Variants in ITPR1 observed in about 807,000 individuals in gnomAD.
ITPR1 encodes inositol 1,4,5-trisphosphate-gated calcium channel ITPR1.
ITPR1 carries 96 observed loss-of-function variants against 318.4 expected under a neutral mutation model. That is an observed-to-expected ratio of 0.30 (90% CI 0.26 to 0.36). The LOEUF is 0.36. Ranked by LOEUF, ITPR1 falls within the 10% of genes least tolerant of loss-of-function variation. The pLI is 1.00. For synonymous variants in ITPR1, 1,312 were observed against 1,289.9 expected (o/e 1.02, Z -0.37); for missense variants, 2,440 against 3,460.2 (o/e 0.71, Z 7.40).
At position 4,833,378 on chromosome 3, in the gene ITPR1, T is replaced by G. The variant is rs549198369; in HGVS notation, c.8029-3396T>G. Among the ~76,000 whole-genome samples the G allele has an allele frequency of 2.0e-5, 3 of 152,352 alleles. No homozygotes were observed. The South Asian group carries it at 6.2e-4, about 32-fold the overall frequency. On this transcript the variant is annotated intron_variant, in intron 60 of 61. Transcript: ENST00000649015. ...GAGTCTTTCGAAGGCCTCATTAATG[T>G]GGACTCTGTTTGGAAATGTGTGTTT... is the stretch of plus-strand genomic sequence containing the variant.
intron 4 of ITPR1, among the ~76,000 whole-genome samples, chr3:4,549,800 C>T (rs1316730379): frequency 4.6e-5 from 7 of 152,156 alleles, no homozygotes; most frequent in African/African-American, 1.7e-4. Context: ...GTCTCTTTCT[C>T]TTGGGCCATT....
chr3:4,819,687 C>A (rs566183342), intron 60 of ITPR1, among the ~76,000 whole-genome samples: 1 of 152,174 alleles, frequency 6.6e-6, no homozygotes, highest in Admixed American at 6.5e-5. Context: ...CATGGGGAAC[C>A]CGGAGGAAGG....
At chr3:4,623,824 A>T (rs1461842762) in intron 4 of ITPR1, among the ~76,000 whole-genome samples, 1 of 152,226 alleles carries the variant, frequency 6.6e-6, no homozygotes, top group African/African-American at 2.4e-5. Flanking sequence ...CTAGTATGTT[A>T]GCATCTCTTA....
chr3:4,831,058 C>A (rs766715409), intron 60 of ITPR1: 1 of 456,000 alleles, frequency 2.2e-6, no homozygotes, highest in Non-Finnish European at 4.4e-6. Flanking sequence ...CAGAATGATT[C>A]GCATTTGCAT....
At chr3:4,542,043 C>T (rs929064729) in intron 4 of ITPR1, among the ~76,000 whole-genome samples, 1 of 152,116 alleles carries the variant, frequency 6.6e-6, no homozygotes, top group Non-Finnish European at 1.5e-5. Context: ...GCTCTGTATT[C>T]ATTGAGAGTT....
intron 44 of ITPR1, among the ~76,000 whole-genome samples, chr3:4,763,290 A>C (rs1197891396): frequency 1.3e-5 from 2 of 152,170 alleles, no homozygotes; most frequent in Non-Finnish European, 2.9e-5. Context: ...TGACAGGTGC[A>C]GCAAACCACC....
intron 4 of ITPR1, among the ~76,000 whole-genome samples, chr3:4,551,457 C>A (rs761114724): frequency 6.6e-6 from 1 of 152,176 alleles, no homozygotes; most frequent in Admixed American, 6.5e-5. Flanking sequence ...GAGAACAGAT[C>A]TTTCTAATCT....
chr3:4,726,871 A>G (rs761692489), intron 41 of ITPR1, among the ~76,000 whole-genome samples: 7 of 152,188 alleles, frequency 4.6e-5, no homozygotes, highest in South Asian at 2.1e-4. Flanking sequence ...GCAATAAATT[A>G]TGTTGGCCAA....
Position 4,733,159 on chromosome 3 carries a change from C to T in ITPR1, c.5292C>T (p.Ser1764=), listed in dbSNP as rs1255745107. 2.5e-6 allele frequency: 4 copies of T among 1,613,990 alleles called. No individual in the cohort carries two copies. The highest frequency in any genetic ancestry group is 4.5e-5 in the East Asian group (2 of 44,888). Residue 1764 remains serine, a synonymous_variant, in exon 43 of 62, where the codon AGC becomes AGT. Transcript: ENST00000649015. ...TCAGACCTTCGGGACGAAGAGAGAG[C>T]CTTACCAGCTTTGGCAATGGCCCAC... The part of the protein sequence containing the change: ...GNVRPSGRRE[S]LTSFGNGPLS...
chr3:4,546,846 G>A (rs2085065033), intron 4 of ITPR1, among the ~76,000 whole-genome samples: 1 of 150,092 alleles, frequency 6.7e-6, no homozygotes, highest in African/African-American at 2.5e-5. Context: ...AGGAAGTGCT[G>A]TGTGAAGAAG....
rs140269583 is a variant in ITPR1, at chr3:4,519,476, C to T, written c.93-1548C>T. On this transcript the variant is annotated intron_variant, in intron 3 of 61. Transcript: ENST00000649015. ...TCTTGACCTCGTGATCCGCCTGTCTCGGCCTCCCAAAGTGCTGGGATTACA... is the reference window on the plus strand; with the variant it reads ...TCTTGACCTCGTGATCCGCCTGTCTTGGCCTCCCAAAGTGCTGGGATTACA... Among the ~76,000 whole-genome samples the T allele has an allele frequency of 6.5e-3, 984 of 152,286 alleles. 16 individuals carry two copies. Among genetic ancestry groups the T allele is most frequent in the African/African-American group, 0.022 (934 of 41,548 alleles).
intron 2 of ITPR1, among the ~76,000 whole-genome samples, chr3:4,508,768 G>A (rs981985468): frequency 1.3e-5 from 2 of 152,112 alleles, no homozygotes; most frequent in African/African-American, 4.8e-5. Flanking sequence ...CTGCCAGCAG[G>A]GGACCTAGAT....
At chr3:4,573,519 T>C (rs76431893) in intron 4 of ITPR1, among the ~76,000 whole-genome samples, 2 of 152,344 alleles carry the variant, frequency 1.3e-5, no homozygotes, top group East Asian at 3.9e-4. Flanking sequence ...ATTCCTCTGC[T>C]TAAAACTTTC....
rs1488457135 is a variant in ITPR1 at position 4,702,770 on chromosome 3, T to C, written c.4537-60T>C. 9.0e-6 allele frequency: 14 copies of C among 1,556,304 alleles called. No homozygotes were observed. In the East Asian group the frequency reaches 3.0e-4, roughly 33 times the overall value. On this transcript the variant is annotated intron_variant, in intron 35 of 61. Transcript: ENST00000649015. ...GACAATGTCTCTGTCTCTGATCGGA[T>C]CATCAGTAGTCTACAAATAAAAATC... is the stretch of plus-strand genomic sequence containing the variant.
At chr3:4,642,421 G>C (rs978097817) in intron 7 of ITPR1, among the ~76,000 whole-genome samples, 170 bp downstream of exon 7, 4 of 152,222 alleles carry the variant, frequency 2.6e-5, no homozygotes, top group African/African-American at 9.7e-5. Flanking sequence ...ACTGTGGAGA[G>C]AAGTGTGACC....
intron 4 of ITPR1, among the ~76,000 whole-genome samples, chr3:4,624,357 C>G (rs1005255146): frequency 6.6e-6 from 1 of 152,218 alleles, no homozygotes; most frequent in East Asian, 1.9e-4. Flanking sequence ...CTGGCCCAAC[C>G]CAGTTTCCCG....
At position 4,768,762 on chromosome 3, in the gene ITPR1, C is replaced by T; in HGVS notation, c.5977C>T (p.Gln1993Ter). Residue 1993 changes from glutamine to a stop codon, truncating the protein, a stop_gained and splice_region_variant, in exon 46 of 62, where the codon CAG becomes TAG. Coordinates refer to ENST00000649015, the MANE Select transcript of ITPR1 (RefSeq NM_001378452.1). LOFTEE classifies it high-confidence loss of function. ...GTGTGAAAACCACAACCGAGACCTG[C>T]AGGTGAGGGCCTGGGGGTGGGGGCG... is the stretch of plus-strand genomic sequence containing the variant. ...LLCENHNRDL[Q>*]NFLRCQNNKT... 6.2e-7 allele frequency: 1 copy of T among 1,608,826 alleles called. No homozygotes were observed. Among genetic ancestry groups the T allele is most frequent in the Non-Finnish European group, 8.5e-7 (1 of 1,176,050 alleles).
intron 35 of ITPR1, among the ~76,000 whole-genome samples, chr3:4,702,309 C>T (rs1574931348): frequency 6.6e-6 from 1 of 152,064 alleles, no homozygotes; most frequent in East Asian, 1.9e-4. Context: ...GAAGACCTTG[C>T]CAGAAATAAA....
intron 4 of ITPR1, among the ~76,000 whole-genome samples, chr3:4,596,561 A>T (rs780941050): frequency 6.6e-6 from 1 of 152,198 alleles, no homozygotes; most frequent in Non-Finnish European, 1.5e-5. Flanking sequence ...AGTTATCTGA[A>T]CCAGGTTGTT....
Sources: gnomAD v4.1 joint callset for allele counts (sites outside exome capture counted in the v4.1 genomes callset) on GRCh38, gnomAD v4.1.1 for gene constraint, MANE v1.5 for transcripts, NCBI Gene and HGNC (gene_info 2026-07-23, HGNC 2026-07-21) for gene names.